MPND: variants seen among roughly 807,000 people sequenced by gnomAD.
MPND encodes MPN domain-containing protein.
MPND carries 56 observed loss-of-function variants against 59.2 expected under a neutral mutation model. The ratio of observed to expected loss-of-function variants is 0.95; its 90% CI spans 0.76 to 1.18. The LOEUF (loss-of-function observed/expected upper bound fraction) is 1.18. MPND is among the 50% of genes most tolerant of loss of function. The pLI is 0.00. For missense variants in MPND, 671 were observed against 676.0 expected (o/e 0.99, Z 0.08); for synonymous variants, 323 against 291.9 (o/e 1.11, Z -1.09).
Position 4,343,976 on chromosome 19 carries a change from G to A in MPND, c.276G>A (p.Val92=). Residue 92 remains valine (V), a synonymous_variant, in exon 2 of 13, where the codon GTG becomes GTA. Coordinates refer to ENST00000599840, the MANE Select transcript of MPND (RefSeq NM_001300862.2). ...KDALLEPGAG[V]LSIYYLGKKF... ...CGCTGCTGGAGCCTGGCGCCGGGGTGCTGTCCATCTACTACCTGGTGAGCA... is the reference window on the plus strand; with the variant it reads ...CGCTGCTGGAGCCTGGCGCCGGGGTACTGTCCATCTACTACCTGGTGAGCA... The A allele has an allele frequency of 7.2e-7, 1 of 1,381,028 alleles. No individual in the cohort carries two copies. The highest frequency in any genetic ancestry group is 9.4e-7 in the Non-Finnish European group (1 of 1,066,690). 85.5% of individuals were successfully genotyped at this position (1,381,028 alleles called of 1,614,324 possible). A position where few individuals can be genotyped will look rare whatever the true frequency, so the allele number is the denominator to read the frequency against.
chr19:4,352,434 C>G (rs1036977349), intron 3 of MPND, among the ~76,000 whole-genome samples: 3 of 152,166 alleles, frequency 2.0e-5, no homozygotes, highest in African/African-American at 7.2e-5. Context: ...CCTGTAATCC[C>G]AGCACTTTGG....
At chr19:4,358,416 G>A (rs1002973660) in intron 11 of MPND, 56 of 526,014 alleles carry the variant, frequency 1.1e-4, no homozygotes, top group African/African-American at 1.0e-3. Flanking sequence ...CTGCCAGGCT[G>A]TCCAGTAGAG....
At chr19:4,346,520 C>T (rs1402414961) in intron 3 of MPND, among the ~76,000 whole-genome samples, 4 of 151,948 alleles carry the variant, frequency 2.6e-5, no homozygotes, top group South Asian at 4.1e-4. Flanking sequence ...TGGGTTCAAG[C>T]GATCCTCCCA....
In MPND at chr19:4,343,584, A is replaced by T; in HGVS notation, c.-10A>T. ...GGAGTCTAGAGCTCCGGGCGCGGGGAGGCGCGGCCATGGCAGGTACGGCGG... is the reference window on the plus strand; with the variant it reads ...GGAGTCTAGAGCTCCGGGCGCGGGGTGGCGCGGCCATGGCAGGTACGGCGG... On this transcript the variant is annotated 5_prime_UTR_variant, in exon 1 of 13. Transcript: ENST00000599840. The T allele has an allele frequency of 8.2e-7, 1 of 1,219,380 alleles. No individual in the cohort carries two copies. Among genetic ancestry groups the T allele is most frequent in the Non-Finnish European group, 1.0e-6 (1 of 980,052 alleles). The allele number at this position is 1,219,380 out of a possible 1,614,324, so 75.5% of individuals were successfully genotyped here. A position where few individuals can be genotyped will look rare whatever the true frequency, so the allele number is the denominator to read the frequency against.
intron 4 of MPND, among the ~76,000 whole-genome samples, chr19:4,353,371 G>A (rs1972364686): frequency 6.6e-6 from 1 of 152,058 alleles, no homozygotes; most frequent in Non-Finnish European, 1.5e-5. Flanking sequence ...GGGTTCAAGC[G>A]ATTCTCCTGC....
Position 4,359,963 on chromosome 19 carries a change from C to T in MPND, c.1467C>T (p.Val489=). The T allele has an allele frequency of 1.3e-6, 2 of 1,575,116 alleles. No homozygotes were observed. Among genetic ancestry groups the T allele is most frequent in the Non-Finnish European group, 1.7e-6 (2 of 1,159,986 alleles). Residue 489 remains valine, a synonymous_variant, in exon 13 of 13, where the codon GTC becomes GTT. Coordinates refer to ENST00000599840, the MANE Select transcript of MPND (RefSeq NM_001300862.2). ...CCAAGGACCAGAGCCTGTGTCACGT[C>T]CTGGAACAGGTGTGCGGCGTCCTCA... The part of the protein sequence containing the change: ...RTPKDQSLCH[V]LEQVCGVLKQ...
In MPND at chr19:4,357,168, G is replaced by A. The variant is rs1972455271; in HGVS notation, c.997-85G>A. The A allele has an allele frequency of 7.0e-6, 10 of 1,434,864 alleles. No homozygotes were observed. The Admixed American group carries it at 2.4e-4, about 35-fold the overall frequency. 88.9% of individuals were successfully genotyped at this position (1,434,864 alleles called of 1,614,324 possible). ...TGTCCCCAGGCCTGATACACAGCAG[G>A]AATTCGTTCAGGGCTGGCCAGCCAC... On this transcript the variant is annotated intron_variant, in intron 8 of 12. Coordinates refer to ENST00000599840, the MANE Select transcript of MPND (RefSeq NM_001300862.2).
chr19:4,354,233 C>A (rs1972382929), intron 5 of MPND, 91 bp from the exon 6 acceptor site: 1 of 1,494,656 alleles, frequency 6.7e-7, no homozygotes, highest in South Asian at 1.2e-5. Flanking sequence ...AGCCTCAGAT[C>A]CTCAGAGCTG....
intron 8 of MPND, 99 bp downstream of exon 8, chr19:4,355,272 A>G (rs1972412131): frequency 1.6e-6 from 2 of 1,260,350 alleles, no homozygotes; most frequent in Non-Finnish European, 1.1e-6. Flanking sequence ...TCACCCAGCA[A>G]CCGTGCAGGT....
chr19:4,343,629 C>CGGGGCTCGGGGCTGCA (rs780729953), intron 1 of MPND, 29 bp downstream of exon 1: 1 of 1,187,114 alleles, frequency 8.4e-7, no homozygotes, highest in East Asian at 3.6e-5. Flanking sequence ...GGCGGAGGCG[C>CGGGGCTCGGGGCTGCA]GGGGCGCGGG....
chr19:4,351,598 C>T (rs1972317059), intron 3 of MPND, among the ~76,000 whole-genome samples: 1 of 152,050 alleles, frequency 6.6e-6, no homozygotes, highest in African/African-American at 2.4e-5. Context: ...CACGGTGGCT[C>T]ACGCCTTTAA....
intron 6 of MPND, chr19:4,354,663 C>T (rs1455936462): frequency 4.2e-5 from 25 of 592,444 alleles, no homozygotes; most frequent in South Asian, 4.0e-4. Flanking sequence ...CTCAGGAGTT[C>T]GAGACAAGCC....
intron 3 of MPND, chr19:4,349,150 CT>C (rs1261098001): frequency 5.2e-5 from 8 of 153,274 alleles, no homozygotes; most frequent in African/African-American, 1.9e-4. Flanking sequence ...TCACTGCAAC[CT>C]CCCGTTCCCG....
Position 4,357,355 on chromosome 19 carries a change from A to G in MPND, c.1099A>G (p.Met367Val). The change falls in exon 9 of 13, where the codon ATG (methionine) becomes GTG (valine). Residue 367 changes from methionine to valine, a missense_variant. Physicochemically the swap from Met to Val is conservative, Grantham distance 21. Transcript: ENST00000599840. ...LPSLQDIDAQMDYQLRLQGSS... is the reference protein window; with the variant it reads ...LPSLQDIDAQVDYQLRLQGSS... ...ATCTCTGCAGGACATCGACGCACAG[A>G]TGGACTACCAGCTGCGGCTGCAGGG... The G allele has an allele frequency of 5.6e-6, 9 of 1,613,282 alleles. No homozygotes were observed. The highest frequency in any genetic ancestry group is 1.3e-5 in the African/African-American group (1 of 75,078).
At chr19:4,347,799 A>G in intron 3 of MPND, 1 of 429,398 alleles carries the variant, frequency 2.3e-6, no homozygotes, top group Non-Finnish European at 4.4e-6. Flanking sequence ...CCTTCACATG[A>G]TCCTCCTTAG....
At chr19:4,350,187 C>T (rs571968437) in intron 3 of MPND, among the ~76,000 whole-genome samples, 1 of 152,114 alleles carries the variant, frequency 6.6e-6, no homozygotes, top group African/African-American at 2.4e-5. Flanking sequence ...TGCAAAGGCC[C>T]TGGGGCACGA....
At position 4,352,898 on chromosome 19, in the gene MPND, G is replaced by A. The variant is rs373702170; in HGVS notation, c.533G>A (p.Ser178Asn). Residue 178 changes from serine to asparagine, a missense_variant and splice_region_variant, in exon 4 of 13, where the codon AGC becomes AAC. Ser to Asn is a conservative substitution (Grantham distance 46, BLOSUM62 1). Transcript: ENST00000599840. ...LHTPATAADE[S>N]PASEGEEEEL... ...GTCCCTGACCCCTAACCCCTGCAGA[G>A]CCCAGCCAGTGAAGGGGAGGAGGAG... 7.2e-7 allele frequency: 1 copy of A among 1,383,248 alleles called. No homozygotes were observed. The highest frequency in any genetic ancestry group is 9.4e-7 in the Non-Finnish European group (1 of 1,059,824). 85.7% of individuals were successfully genotyped at this position (1,383,248 alleles called of 1,614,324 possible).
intron 12 of MPND, 133 bp from the exon 13 acceptor site, chr19:4,359,783 C>T (rs1280968041): frequency 2.4e-5 from 16 of 657,394 alleles, no homozygotes; most frequent in African/African-American, 5.5e-5. Context: ...GCAGGCTGTG[C>T]TGCGGGACCC....
At chr19:4,356,506 C>G (rs1972441103) in intron 8 of MPND, 1 of 152,226 alleles carries the variant, frequency 6.6e-6, no homozygotes. Flanking sequence ...GATGGCGCCA[C>G]TGTGTTCCAG....
Sources: gnomAD v4.1 joint callset for allele counts (sites outside exome capture counted in the v4.1 genomes callset) on GRCh38, gnomAD v4.1.1 for gene constraint, MANE v1.5 for transcripts, NCBI Gene and HGNC (gene_info 2026-07-23, HGNC 2026-07-21) for gene names.